Variants in SUCLG2 observed in about 807,000 individuals in gnomAD.
SUCLG2 encodes succinate-CoA ligase GDP-forming subunit beta, also known as succinate--CoA ligase [GDP-forming] subunit beta, mitochondrial.
In SUCLG2, 42 loss-of-function variants were observed where a neutral mutation model predicts 47.9. The ratio of observed to expected loss-of-function variants is 0.88; its 90% CI spans 0.69 to 1.14. The LOEUF is 1.14. Among genes scored for constraint, SUCLG2 ranks in the 50% most tolerant of loss-of-function variants. SUCLG2 has a pLI of 0.00. For synonymous variants in SUCLG2, 195 were observed against 197.3 expected, an observed-to-expected ratio of 0.99 and a Z score of 0.10; for missense variants, 571 against 525.9, an observed-to-expected ratio of 1.09 and a Z score of -0.84.
intron 9 of SUCLG2, among the ~76,000 whole-genome samples, chr3:67,446,998 T>A (rs1404623451): frequency 6.6e-6 from 1 of 152,166 alleles, no homozygotes; most frequent in African/African-American, 2.4e-5. Flanking sequence ...AGGTTAACAT[T>A]AGTTTTTTGA....
At chr3:67,499,064 T>A (rs1705425864) in intron 7 of SUCLG2, among the ~76,000 whole-genome samples, 1 of 152,200 alleles carries the variant, frequency 6.6e-6, no homozygotes, top group Non-Finnish European at 1.5e-5. Flanking sequence ...ATTCCCTGCA[T>A]ATATTGAGGG....
At chr3:67,548,170 G>C (rs1018422146) in intron 2 of SUCLG2, among the ~76,000 whole-genome samples, 2 of 152,160 alleles carry the variant, frequency 1.3e-5, no homozygotes, top group Non-Finnish European at 2.9e-5. Flanking sequence ...GAGTTTCCTG[G>C]AGTCATACAG....
chr3:67,652,485 T>A (rs1227547737), intron 1 of SUCLG2, among the ~76,000 whole-genome samples: 1 of 152,170 alleles, frequency 6.6e-6, no homozygotes, highest in Non-Finnish European at 1.5e-5. Flanking sequence ...GGAAACGTAA[T>A]ATCAAATCAG....
chr3:67,487,499 T>TATACACAC (rs1553649720), intron 9 of SUCLG2, among the ~76,000 whole-genome samples: 21 of 149,922 alleles, frequency 1.4e-4, no homozygotes, highest in Middle Eastern at 6.8e-3. Context: ...AACACACATA[T>TATACACAC]ACACACACAC....
exon 11 of SUCLG2, chr3:67,360,510 C>T: frequency 9.3e-7 from 1 of 1,070,740 alleles, no homozygotes; most frequent in Non-Finnish European, 1.3e-6. Context: ...TAAGCCATGC[C>T]CTTCCATTTT....
chr3:67,619,030 A>T (rs1700683441), intron 1 of SUCLG2, among the ~76,000 whole-genome samples: 2 of 152,240 alleles, frequency 1.3e-5, no homozygotes, highest in South Asian at 4.1e-4. Context: ...AGCAAGCAGC[A>T]TCAGTTTAAA....
At chr3:67,476,234 G>A (rs1704751665) in intron 9 of SUCLG2, among the ~76,000 whole-genome samples, 1 of 151,970 alleles carries the variant, frequency 6.6e-6, no homozygotes, top group African/African-American at 2.4e-5. Context: ...AGCAGGAGGT[G>A]AGCAGTGGGC....
chr3:67,398,110 A>G (rs867284701), intron 10 of SUCLG2, among the ~76,000 whole-genome samples: 7 of 150,196 alleles, frequency 4.7e-5, no homozygotes, highest in South Asian at 4.2e-4. Flanking sequence ...ATAGGCATGG[A>G]CAAGGACTTC....
chr3:67,414,427 G>A (rs1406604249), intron 9 of SUCLG2, among the ~76,000 whole-genome samples: 2 of 152,182 alleles, frequency 1.3e-5, no homozygotes, highest in Non-Finnish European at 2.9e-5. Context: ...GACTTGCAGA[G>A]TGTTAATTTT....
intron 9 of SUCLG2, among the ~76,000 whole-genome samples, chr3:67,402,985 C>G (rs1287728095): frequency 6.6e-6 from 1 of 152,156 alleles, no homozygotes; most frequent in Non-Finnish European, 1.5e-5. Context: ...TTCAATTCTA[C>G]TTAGTGGGTG....
chr3:67,420,744 G>C (rs1378693013), intron 9 of SUCLG2, among the ~76,000 whole-genome samples: 2 of 150,814 alleles, frequency 1.3e-5, no homozygotes, highest in African/African-American at 4.9e-5. Flanking sequence ...CAAAGGAATA[G>C]ATACACACAC....
intron 6 of SUCLG2, chr3:67,513,812 C>T (rs771674361): frequency 3.9e-5 from 6 of 152,174 alleles, no homozygotes; most frequent in Admixed American, 6.6e-5. Flanking sequence ...AATTAAAATT[C>T]GTAAAATCAA....
intron 10 of SUCLG2, among the ~76,000 whole-genome samples, chr3:67,393,681 G>A (rs763183967): frequency 6.6e-6 from 1 of 152,184 alleles, no homozygotes; most frequent in South Asian, 2.1e-4. Context: ...GGTTCTCCTG[G>A]CACGCAGCTG....
rs555860955 is a variant in SUCLG2, at chr3:67,487,678, T to C, written c.1062+8120A>G. 5.9e-5 allele frequency among the ~76,000 whole-genome samples: 9 copies of C among 152,220 alleles called. No homozygotes were observed. In the East Asian group the frequency reaches 1.5e-3, roughly 26 times the overall value. On this transcript the variant is annotated intron_variant, in intron 9 of 10. Transcript: ENST00000307227. ...TGCTACCTCTCCTGTTGGTAAAGAA[T>C]TACAGCAATGATAGCCAAGACATGG...
chr3:67,550,408 T>G (rs564329336), intron 2 of SUCLG2, among the ~76,000 whole-genome samples: 1 of 152,198 alleles, frequency 6.6e-6, no homozygotes, highest in Non-Finnish European at 1.5e-5. Flanking sequence ...GAAATGATCA[T>G]GGCTCACTGC....
intron 10 of SUCLG2, chr3:67,360,854 T>A: frequency 9.3e-7 from 1 of 1,079,230 alleles, no homozygotes; most frequent in South Asian, 2.2e-5. Context: ...CCTAAGATCC[T>A]GTTACTCCTA....
intron 9 of SUCLG2, among the ~76,000 whole-genome samples, chr3:67,430,570 A>G (rs1212879562): frequency 6.6e-6 from 1 of 152,222 alleles, no homozygotes; most frequent in Non-Finnish European, 1.5e-5. Context: ...ACACATTCAA[A>G]AGCTAGCAGA....
chr3:67,638,971 A>G (rs899041227), intron 1 of SUCLG2, among the ~76,000 whole-genome samples: 4 of 152,212 alleles, frequency 2.6e-5, no homozygotes, highest in Non-Finnish European at 2.9e-5. Flanking sequence ...GTTTAAGAAA[A>G]TAAGAAAAAA....
At chr3:67,626,221 T>C (rs1575826716) in intron 1 of SUCLG2, among the ~76,000 whole-genome samples, 1 of 151,994 alleles carries the variant, frequency 6.6e-6, no homozygotes, top group African/African-American at 2.4e-5. Context: ...CTTGATCTCC[T>C]GACCTCGTGA....
Sources: gnomAD v4.1 joint callset for allele counts (sites outside exome capture counted in the v4.1 genomes callset) on GRCh38, gnomAD v4.1.1 for gene constraint, MANE v1.5 for transcripts, NCBI Gene and HGNC (gene_info 2026-07-23, HGNC 2026-07-21) for gene names.